The following AHDC1 variants were observed in gnomAD, a reference collection of about 807,000 sequenced individuals.
The protein encoded by AHDC1 is transcription factor Gibbin.
AHDC1 carries 7 observed loss-of-function variants against 87.9 expected under a neutral mutation model. The observed-to-expected ratio is 0.08, with a 90% CI of 0.05 to 0.15. AHDC1 has a LOEUF of 0.15. Ranked by LOEUF, AHDC1 falls within the 10% of genes least tolerant of loss-of-function variation. The pLI is 1.00. For missense variants in AHDC1, 1,841 were observed against 2,253.2 expected (o/e 0.82, Z 3.70); for synonymous variants, 1,051 against 1,006.8 (o/e 1.04, Z -0.83).
intron 3 of AHDC1, among the ~76,000 whole-genome samples, chr1:27,585,253 CAAAAAAAAA>C (rs35143338): frequency 3.0e-5 from 2 of 66,330 alleles, no homozygotes; most frequent in African/African-American, 5.5e-5. Context: ...GACCCTGTCT[CAAAAAAAAA>C]AAAAAAAAAA....
intron 3 of AHDC1, among the ~76,000 whole-genome samples, chr1:27,600,731 A>G (rs1427280636): frequency 1.3e-5 from 2 of 152,314 alleles, no homozygotes; most frequent in East Asian, 3.9e-4. Flanking sequence ...GCACAACCAC[A>G]GCAATCAGGT....
chr1:27,542,801 G>A (rs979955854), intron 8 of AHDC1, among the ~76,000 whole-genome samples: 2 of 152,178 alleles, frequency 1.3e-5, no homozygotes, highest in Non-Finnish European at 1.5e-5. Flanking sequence ...CGGTATGGTC[G>A]TGGAGAGATT....
rs907102063 is a variant in AHDC1, at chr1:27,547,128, C to T, written c.*43+133G>A. The T allele has an allele frequency of 1.2e-5, 7 of 606,210 alleles. No homozygotes were observed. Among genetic ancestry groups the T allele is most frequent in the Non-Finnish European group, 1.9e-5 (7 of 371,570 alleles). 37.6% of individuals were successfully genotyped at this position (606,210 alleles called of 1,614,324 possible). A position where few individuals can be genotyped will look rare whatever the true frequency, so the allele number is the denominator to read the frequency against. The stretch of plus-strand genomic sequence containing the variant: ...GCGAATCCTGAATCCCTACACCCTG[C>T]TCTCAGTCCCCAGCCTTGCCCTTAA... On this transcript the variant is annotated intron_variant, in intron 8 of 8. Transcript: ENST00000673934. This position sits in a 1 kb window ranked among gnomAD's most constrained non-coding sequence, Gnocchi z 4.9.
At chr1:27,568,685 G>A (rs1040975436) in intron 3 of AHDC1, among the ~76,000 whole-genome samples, 1 of 151,734 alleles carries the variant, frequency 6.6e-6, no homozygotes, top group African/African-American at 2.4e-5. Context: ...CCTCTTCCCC[G>A]GACCCTTTCC....
At chr1:27,588,086 C>T (rs754284955) in intron 3 of AHDC1, among the ~76,000 whole-genome samples, 7 of 152,228 alleles carry the variant, frequency 4.6e-5, no homozygotes, top group Non-Finnish European at 7.4e-5. Context: ...GGCATCTGCA[C>T]GCCGTGACAT....
At chr1:27,592,919 C>A (rs368566998) in intron 3 of AHDC1, among the ~76,000 whole-genome samples, 9 of 152,260 alleles carry the variant, frequency 5.9e-5, no homozygotes, top group African/African-American at 1.9e-4. Flanking sequence ...ACACAGCAGA[C>A]GAGGAGGCGC....
chr1:27,595,115 T>C lies in AHDC1; in HGVS notation c.-629+8282A>G, dbSNP rs2089332611. ...GGGGCCTGATCTGTTAGAGATATAC[T>C]AGAACCGAAGCCATGTCTGTGTGTT... On this transcript the variant is annotated intron_variant, in intron 3 of 8. Transcript: ENST00000673934. This position sits in a 1 kb window ranked among gnomAD's most constrained non-coding sequence, Gnocchi z 4.0. Among the ~76,000 whole-genome samples, 1 of 152,084 alleles carries C rather than the reference T, an allele frequency of 6.6e-6. No homozygotes were observed. The highest frequency in any genetic ancestry group is 1.5e-5 in the Non-Finnish European group (1 of 68,008).
chr1:27,544,853 G>C (rs972012641), intron 8 of AHDC1, among the ~76,000 whole-genome samples: 4 of 152,160 alleles, frequency 2.6e-5, no homozygotes, highest in Non-Finnish European at 5.9e-5. Flanking sequence ...CGGTGGCCTG[G>C]GGAATTCCAG....
intron 8 of AHDC1, among the ~76,000 whole-genome samples, chr1:27,535,974 T>A (rs938579216): frequency 7.9e-5 from 12 of 152,108 alleles, no homozygotes; most frequent in African/African-American, 2.9e-4. Flanking sequence ...TTCAGACTTC[T>A]GTCCTCCTCT....
At chr1:27,573,309 G>T (rs2088603557) in intron 3 of AHDC1, among the ~76,000 whole-genome samples, 1 of 152,192 alleles carries the variant, frequency 6.6e-6, no homozygotes, top group African/African-American at 2.4e-5. Context: ...CCAAGGCCCA[G>T]AGAGGGGAAG....
At chr1:27,591,037 G>T (rs1008225530) in intron 3 of AHDC1, among the ~76,000 whole-genome samples, 4 of 152,164 alleles carry the variant, frequency 2.6e-5, no homozygotes, top group African/African-American at 9.7e-5. Flanking sequence ...GCCCCAGCCT[G>T]GTCCCTCCAG....
chr1:27,548,214 G>T lies in AHDC1; in HGVS notation c.3902C>A (p.Pro1301Gln). 6.2e-7 allele frequency: 1 copy of T among 1,613,578 alleles called. No homozygotes were observed. The highest frequency in any genetic ancestry group is 1.7e-4 in the Middle Eastern group (1 of 6,060). ...AKAKFIPKPQPVNPLFQDSPD... is the reference protein window; with the variant it reads ...AKAKFIPKPQQVNPLFQDSPD... Reference sequence around the variant, plus strand: ...ACTGTCCTGGAACAGTGGGTTGACTGGCTGTGGCTTGGGGATGAACTTGGC... The same window carrying T: ...ACTGTCCTGGAACAGTGGGTTGACTTGCTGTGGCTTGGGGATGAACTTGGC... Residue 1301 changes from proline to glutamine, a missense_variant, in exon 8 of 9, where the codon CCA becomes CAA. By Grantham distance (76) the Pro-to-Gln change is moderately conservative. Transcript: ENST00000673934.
In AHDC1 at chr1:27,562,920, G is replaced by C. The variant is rs2020156856; in HGVS notation, c.-628-4037C>G. Among the ~76,000 whole-genome samples the C allele has an allele frequency of 6.6e-6, 1 of 152,114 alleles. No individual in the cohort carries two copies. The highest frequency in any genetic ancestry group is 1.5e-5 in the Non-Finnish European group (1 of 68,028). On this transcript the variant is annotated intron_variant, in intron 3 of 8. Coordinates refer to ENST00000673934, the MANE Select transcript of AHDC1 (RefSeq NM_001371928.1). This position sits in a 1 kb window ranked among gnomAD's most constrained non-coding sequence, Gnocchi z 4.4. ...CAGCCAGAGACAGGCGCACAAGTTG[G>C]TGACAACCCTCCTAACGGGATGAAC...
chr1:27,561,245 A>T lies in AHDC1; in HGVS notation c.-628-2362T>A, dbSNP rs1373213110. On this transcript the variant is annotated intron_variant, in intron 3 of 8. Coordinates refer to ENST00000673934, the MANE Select transcript of AHDC1 (RefSeq NM_001371928.1). This position sits in a 1 kb window ranked among gnomAD's most constrained non-coding sequence, Gnocchi z 4.2. ...AGTGGGGGTAGATTGGCTGCCCCCC[A>T]TTCAGGCCCCCACAGCTCGGCTCAT... Among the ~76,000 whole-genome samples the T allele has an allele frequency of 6.6e-6, 1 of 152,150 alleles. No homozygotes were observed. The highest frequency in any genetic ancestry group is 2.4e-5 in the African/African-American group (1 of 41,422).
chr1:27,585,201 C>T lies in AHDC1; in HGVS notation c.-629+18196G>A, dbSNP rs539303626. Among the ~76,000 whole-genome samples the T allele has an allele frequency of 1.8e-4, 26 of 146,840 alleles. No homozygotes were observed. In the South Asian group the frequency reaches 5.5e-3, roughly 31 times the overall value. ...CTGGGAAGTCGAGGCTGCAGTGAGCCGTGACTGCTCCACTGCACTCCAACC... is the reference window on the plus strand; with the variant it reads ...CTGGGAAGTCGAGGCTGCAGTGAGCTGTGACTGCTCCACTGCACTCCAACC... On this transcript the variant is annotated intron_variant, in intron 3 of 8. Transcript: ENST00000673934.
intron 3 of AHDC1, among the ~76,000 whole-genome samples, chr1:27,586,672 C>T (rs1223947549): frequency 6.6e-6 from 1 of 152,124 alleles, no homozygotes; most frequent in Non-Finnish European, 1.5e-5. Flanking sequence ...CCACAACTCC[C>T]GGCAACCCCA....
chr1:27,586,967 T>C (rs530784413), intron 3 of AHDC1, among the ~76,000 whole-genome samples: 179 of 152,294 alleles, frequency 1.2e-3, no homozygotes, highest in African/African-American at 4.0e-3. Context: ...GCTGAGGCCC[T>C]GGCCCCTCAT....
chr1:27,551,209 G>C lies in AHDC1; in HGVS notation c.907C>G (p.Leu303Val). Residue 303 changes from leucine to valine, a missense_variant, in exon 8 of 9, where the codon CTT becomes GTT. Coordinates refer to ENST00000673934, the MANE Select transcript of AHDC1 (RefSeq NM_001371928.1). ...EALELPPLQP[L>V]ADPLGLPGLA... ...CCCGGCAGCCCCAGAGGATCAGCAA[G>C]AGGTTGCAGGGGTGGCAGCTCCAGA... 1 of 1,610,232 alleles carries C rather than the reference G, an allele frequency of 6.2e-7. No homozygotes were observed. Among genetic ancestry groups the C allele is most frequent in the Non-Finnish European group, 8.5e-7 (1 of 1,179,632 alleles).
At chr1:27,545,570 C>CA (rs1326579146) in intron 8 of AHDC1, among the ~76,000 whole-genome samples, 1 of 151,176 alleles carries the variant, frequency 6.6e-6, no homozygotes, top group African/African-American at 2.4e-5. Context: ...CTGGATTATC[C>CA]ATGAGACATC....
Sources: gnomAD v4.1 joint callset for allele counts (sites outside exome capture counted in the v4.1 genomes callset) on GRCh38, gnomAD v4.1.1 for gene constraint, Gnocchi (gnomAD v3.1) non-coding constraint, MANE v1.5 for transcripts, NCBI Gene and HGNC (gene_info 2026-07-23, HGNC 2026-07-21) for gene names.